Variants in PLCL2 observed in about 807,000 individuals in gnomAD.
PLCL2 encodes the protein inactive phospholipase C-like protein 2.
Under a neutral mutation model 79.6 loss-of-function variants are expected in PLCL2, and 4 were observed. The ratio of observed to expected loss-of-function variants is 0.05; its 90% CI spans 0.02 to 0.11. The LOEUF (loss-of-function observed/expected upper bound fraction) is 0.11, where lower values mean the gene tolerates loss of function less well. Ranked by LOEUF, PLCL2 falls within the 10% of genes least tolerant of loss-of-function variation. The probability of loss-of-function intolerance (pLI) is 1.00; values close to 1 mark genes in which losing one functional copy is unlikely to be tolerated. For synonymous variants in PLCL2, 484 were observed against 457.7 expected (o/e 1.06, Z -0.73); for missense variants, 895 against 1,291.0 (o/e 0.69, Z 4.70).
intron 4 of PLCL2, among the ~76,000 whole-genome samples, chr3:17,063,990 T>C (rs1198847951): frequency 6.6e-6 from 1 of 152,234 alleles, no homozygotes; most frequent in Non-Finnish European, 1.5e-5. Context: ...ATCTAGTCTT[T>C]AGACAGAATA....
chr3:17,084,509 C>A (rs1483487063), intron 5 of PLCL2, among the ~76,000 whole-genome samples: 1 of 152,166 alleles, frequency 6.6e-6, no homozygotes, highest in Non-Finnish European at 1.5e-5. Flanking sequence ...CTCTCATCAA[C>A]ACAGATGCAA....
At chr3:17,083,296 C>T (rs1041080808) in intron 5 of PLCL2, among the ~76,000 whole-genome samples, 2 of 152,124 alleles carry the variant, frequency 1.3e-5, no homozygotes, top group Admixed American at 1.3e-4. Context: ...GAGCTAGCTA[C>T]GTGCATTTCT....
chr3:16,942,870 T>G (rs2063564460), intron 1 of PLCL2, among the ~76,000 whole-genome samples: 1 of 152,238 alleles, frequency 6.6e-6, no homozygotes, highest in Non-Finnish European at 1.5e-5. Context: ...TTTAGTGTCA[T>G]AGACCACGTA....
intron 3 of PLCL2, among the ~76,000 whole-genome samples, chr3:17,038,318 G>A (rs953900517): frequency 2.6e-5 from 4 of 152,158 alleles, no homozygotes; most frequent in Admixed American, 6.5e-5. Context: ...TCCATGTGGC[G>A]AGTTACTCAG....
At chr3:17,082,008 G>T (rs1172789803) in intron 5 of PLCL2, among the ~76,000 whole-genome samples, 1 of 152,208 alleles carries the variant, frequency 6.6e-6, no homozygotes, top group Non-Finnish European at 1.5e-5. Context: ...CAGCTTTGTG[G>T]AAGGAGTCTT....
chr3:16,942,128 CTAAG>C (rs2063553350), intron 1 of PLCL2, among the ~76,000 whole-genome samples: 1 of 152,162 alleles, frequency 6.6e-6, no homozygotes, highest in Non-Finnish European at 1.5e-5. Flanking sequence ...TTCTCTGAGT[CTAAG>C]TGAGTTAATA....
intron 1 of PLCL2, among the ~76,000 whole-genome samples, chr3:16,967,166 G>A (rs956490140): frequency 2.0e-5 from 3 of 151,962 alleles, no homozygotes; most frequent in African/African-American, 7.3e-5. Flanking sequence ...CCATTCTACT[G>A]TTGATGGGTA....
chr3:16,954,313 G>A (rs2063682872), intron 1 of PLCL2, among the ~76,000 whole-genome samples: 1 of 152,156 alleles, frequency 6.6e-6, no homozygotes, highest in Non-Finnish European at 1.5e-5. Flanking sequence ...TGCTGAGAAT[G>A]ATGGTTTCCA....
intron 1 of PLCL2, among the ~76,000 whole-genome samples, chr3:16,905,060 C>T (rs1481338158): frequency 6.6e-6 from 1 of 151,984 alleles, no homozygotes; most frequent in Admixed American, 6.6e-5. Flanking sequence ...CAAGCAGAAG[C>T]CTGTATACTC....
At chr3:16,963,051 G>A (rs1435375201) in intron 1 of PLCL2, among the ~76,000 whole-genome samples, 3 of 152,000 alleles carry the variant, frequency 2.0e-5, no homozygotes, top group Admixed American at 6.6e-5. Flanking sequence ...TTTCAACCAT[G>A]AAAAGCAGTA....
intron 1 of PLCL2, among the ~76,000 whole-genome samples, chr3:16,940,648 TTAAAA>T (rs533344775): frequency 1.4e-4 from 22 of 151,926 alleles, no homozygotes; most frequent in East Asian, 9.7e-4. Flanking sequence ...GTTGGAAAAA[TTAAAA>T]TAAAATAAAA....
intron 1 of PLCL2, among the ~76,000 whole-genome samples, chr3:16,938,642 A>G (rs1329918041): frequency 6.6e-6 from 1 of 152,244 alleles, no homozygotes; most frequent in Non-Finnish European, 1.5e-5. Flanking sequence ...GTGCAAAGGT[A>G]GCTTGAGAAG....
intron 1 of PLCL2, among the ~76,000 whole-genome samples, chr3:16,889,634 T>C (rs1222626635): frequency 6.6e-6 from 1 of 152,238 alleles, no homozygotes; most frequent in African/African-American, 2.4e-5. Flanking sequence ...TACTACTATG[T>C]TCACCTATGT....
intron 1 of PLCL2, among the ~76,000 whole-genome samples, chr3:16,897,074 T>C (rs1276376080): frequency 6.6e-6 from 1 of 152,176 alleles, no homozygotes; most frequent in Non-Finnish European, 1.5e-5. Context: ...TGATAGTTGG[T>C]GAGCATGTGG....
Position 17,069,698 on chromosome 3 carries a change from T to C in PLCL2, c.3204+1633T>C, listed in dbSNP as rs1416842550. ...AAAGCTCCATCCTTGGAGCTGACAA[T>C]AATTTTCAGATTTGATGTAATAAAA... On this transcript the variant is annotated intron_variant, in intron 5 of 5. Transcript: ENST00000615277. 3.3e-5 allele frequency among the ~76,000 whole-genome samples: 5 copies of C among 152,302 alleles called. No homozygotes were observed. In the East Asian group the frequency reaches 9.6e-4, roughly 29 times the overall value.
chr3:16,966,277 A>T (rs1450424543), intron 1 of PLCL2, among the ~76,000 whole-genome samples: 1 of 150,158 alleles, frequency 6.7e-6, no homozygotes, highest in Non-Finnish European at 1.5e-5. Flanking sequence ...TGAGATAATC[A>T]TGTGGTTTTT....
At chr3:17,036,306 A>G (rs898216245) in intron 3 of PLCL2, among the ~76,000 whole-genome samples, 3 of 152,178 alleles carry the variant, frequency 2.0e-5, no homozygotes, top group South Asian at 4.1e-4. Context: ...TGTGACTTAT[A>G]TTATGTTCAA....
chr3:17,034,226 AGTGT>A (rs1559526661), intron 3 of PLCL2, among the ~76,000 whole-genome samples: 1 of 152,092 alleles, frequency 6.6e-6, no homozygotes, highest in Non-Finnish European at 1.5e-5. Flanking sequence ...TCAGGGTTTC[AGTGT>A]GAGTGAGTGT....
chr3:17,032,248 G>A (rs943846134), intron 3 of PLCL2, among the ~76,000 whole-genome samples: 5 of 152,084 alleles, frequency 3.3e-5, no homozygotes, highest in Non-Finnish European at 7.4e-5. Context: ...CTATTTAAAT[G>A]TATTGGGGAC....
Sources: allele counts gnomAD v4.1 joint callset (sites outside exome capture counted in the v4.1 genomes callset), GRCh38; gene constraint gnomAD v4.1.1; transcripts MANE v1.5; gene names NCBI Gene and HGNC (gene_info 2026-07-23, HGNC 2026-07-21).